The following TBC1D2B variants were observed in gnomAD, a reference collection of about 807,000 sequenced individuals.
TBC1D2B encodes TBC1 domain family member 2B, also known as TBC1 domain family, member 2B.
Under a neutral mutation model 100.8 loss-of-function variants are expected in TBC1D2B, and 64 were observed. The ratio of observed to expected loss-of-function variants is 0.64; its 90% CI spans 0.52 to 0.78. The LOEUF (loss-of-function observed/expected upper bound fraction) is 0.78, where lower values mean the gene tolerates loss of function less well. Among genes scored for constraint, TBC1D2B ranks in the 30% least tolerant of loss-of-function variants. The pLI is 0.00. For synonymous variants in TBC1D2B, 480 were observed against 479.7 expected, an observed-to-expected ratio of 1.00 and a Z score of -0.01; for missense variants, 1,052 against 1,218.4, an observed-to-expected ratio of 0.86 and a Z score of 2.03.
At chr15:78,045,159 A>G (rs2073170847) in intron 2 of TBC1D2B, 91 bp from the exon 3 acceptor site, 4 of 1,161,090 alleles carry the variant, frequency 3.4e-6, no homozygotes, top group Non-Finnish European at 4.8e-6. Context: ...CATACTATAT[A>G]AAAATCTAAA....
At chr15:78,045,185 T>G in intron 2 of TBC1D2B, 117 bp from the exon 3 acceptor site, 1 of 885,812 alleles carries the variant, frequency 1.1e-6, no homozygotes, top group Non-Finnish European at 1.6e-6. Context: ...TAATAGTATA[T>G]TTTTAATGTA....
intron 3 of TBC1D2B, among the ~76,000 whole-genome samples, chr15:78,036,925 T>C (rs1283379471): frequency 6.6e-6 from 1 of 152,148 alleles, no homozygotes; most frequent in Non-Finnish European, 1.5e-5. Context: ...TGATATGATG[T>C]CTTTTGGTCT....
At chr15:78,074,291 G>A (rs1206627999) in intron 1 of TBC1D2B, among the ~76,000 whole-genome samples, 1 of 151,990 alleles carries the variant, frequency 6.6e-6, no homozygotes, top group Non-Finnish European at 1.5e-5. Context: ...CCAAAGTGCT[G>A]GGATTACAGG....
intron 1 of TBC1D2B, among the ~76,000 whole-genome samples, chr15:78,058,040 G>T (rs1013576915): frequency 6.6e-6 from 1 of 152,188 alleles, no homozygotes; most frequent in Non-Finnish European, 1.5e-5. Context: ...CTAGCCAGAC[G>T]TGACTACTGA....
chr15:78,031,633 CAA>C (rs780672137), intron 3 of TBC1D2B, among the ~76,000 whole-genome samples: 1 of 134,102 alleles, frequency 7.5e-6, no homozygotes, highest in Non-Finnish European at 1.6e-5. Flanking sequence ...GGAAATATGA[CAA>C]AACTATAAAA....
rs753797879 is a variant in TBC1D2B, at chr15:78,024,302, T to C, written c.1324A>G (p.Met442Val). 1 of 1,614,062 alleles carries C rather than the reference T, an allele frequency of 6.2e-7. No homozygotes were observed. The highest frequency in any genetic ancestry group is 1.1e-5 in the South Asian group (1 of 91,088). The change falls in exon 6 of 13, where the codon ATG becomes GTG. Residue 442 changes from methionine (M) to valine (V), a missense_variant. Physicochemically the swap from Met to Val is conservative, Grantham distance 21. Coordinates refer to ENST00000300584, the MANE Select transcript of TBC1D2B (RefSeq NM_144572.2). ...TTGGCTTGGATGGTCTCCATGAGCA[T>C]TCCCAGCTGCTCGTTGAGCTCGCCC... ...KVGELNEQLG[M>V]LMETIQAKDE... is the part of the protein sequence containing the mutation.
At chr15:78,039,173 T>C (rs762907659) in intron 3 of TBC1D2B, among the ~76,000 whole-genome samples, 68 of 152,226 alleles carry the variant, frequency 4.5e-4, no homozygotes, top group Non-Finnish European at 2.8e-4. Flanking sequence ...CAGACATAGC[T>C]GTGCCTTCCA....
chr15:78,068,468 C>T (rs1054689638), intron 1 of TBC1D2B, among the ~76,000 whole-genome samples: 1 of 151,566 alleles, frequency 6.6e-6, no homozygotes, highest in African/African-American at 2.4e-5. Flanking sequence ...AAGCATCTAA[C>T]AGGTGCTGGG....
chr15:78,017,741 T>A (rs1242387890), intron 7 of TBC1D2B, 106 bp downstream of exon 7: 3 of 637,412 alleles, frequency 4.7e-6, no homozygotes, highest in Non-Finnish European at 8.1e-6. Context: ...AGTAACCACA[T>A]CTCTCCAAGC....
intron 3 of TBC1D2B, among the ~76,000 whole-genome samples, chr15:78,033,882 A>T (rs1380229128): frequency 6.6e-6 from 1 of 152,234 alleles, no homozygotes; most frequent in African/African-American, 2.4e-5. Context: ...AAACATTCAG[A>T]AGAATACAGA....
chr15:78,024,104 T>C, intron 6 of TBC1D2B, 52 bp downstream of exon 6: 2 of 1,546,030 alleles, frequency 1.3e-6, no homozygotes, highest in East Asian at 2.3e-5. Context: ...GCCTCTGGGG[T>C]GACATCGGTG....
At position 78,003,198 on chromosome 15, in the gene TBC1D2B, T is replaced by C. The variant is rs1028124086; in HGVS notation, c.2574+107A>G. 9 of 980,692 alleles carry C rather than the reference T, an allele frequency of 9.2e-6. No individual in the cohort carries two copies. The African/African-American group carries it at 1.3e-4, about 14-fold the overall frequency. The allele number at this position is 980,692 out of a possible 1,614,324, so 60.7% of individuals were successfully genotyped here. A position where few individuals can be genotyped will look rare whatever the true frequency, so the allele number is the denominator to read the frequency against. ...CCGTGCTGAGATCCCTTGGGCACCATGGTAACCCTCATAAGTTCCAGGTGA... is the reference window on the plus strand; with the variant it reads ...CCGTGCTGAGATCCCTTGGGCACCACGGTAACCCTCATAAGTTCCAGGTGA... On this transcript the variant is annotated intron_variant, in intron 11 of 12. Coordinates refer to ENST00000300584, the MANE Select transcript of TBC1D2B (RefSeq NM_144572.2).
At chr15:78,029,342 GCCA>G (rs895624120) in intron 4 of TBC1D2B, among the ~76,000 whole-genome samples, 2 of 152,164 alleles carry the variant, frequency 1.3e-5, no homozygotes, top group African/African-American at 4.8e-5. Context: ...ACAGGCGTAA[GCCA>G]CCACGCCTGG....
intron 2 of TBC1D2B, among the ~76,000 whole-genome samples, chr15:78,051,644 C>T (rs1346510766): frequency 1.3e-5 from 2 of 152,168 alleles, no homozygotes; most frequent in South Asian, 2.1e-4. Context: ...TGGGTGACTA[C>T]GAGACAATAC....
chr15:78,073,775 G>C (rs965900952), intron 1 of TBC1D2B, among the ~76,000 whole-genome samples: 1 of 152,028 alleles, frequency 6.6e-6, no homozygotes, highest in Non-Finnish European at 1.5e-5. Flanking sequence ...TTCGAGACCA[G>C]CCTGGCCAAT....
intron 1 of TBC1D2B, among the ~76,000 whole-genome samples, chr15:78,057,565 G>A (rs1339552653): frequency 6.6e-6 from 1 of 152,096 alleles, no homozygotes; most frequent in Admixed American, 6.5e-5. Context: ...AGAACTGCTT[G>A]AACCCAGGAA....
At chr15:78,023,154 G>A (rs1227727295) in intron 6 of TBC1D2B, among the ~76,000 whole-genome samples, 2 of 152,204 alleles carry the variant, frequency 1.3e-5, no homozygotes, top group African/African-American at 2.4e-5. Flanking sequence ...AACCTGGACA[G>A]CAGCAAACCT....
chr15:78,011,487 T>C (rs1273275664), intron 9 of TBC1D2B, among the ~76,000 whole-genome samples: 1 of 147,950 alleles, frequency 6.8e-6, no homozygotes, highest in East Asian at 1.9e-4. Context: ...TTTTTTTTTT[T>C]TGAGACAGGG....
At chr15:78,048,567 T>C (rs1022251439) in intron 2 of TBC1D2B, among the ~76,000 whole-genome samples, 1 of 152,224 alleles carries the variant, frequency 6.6e-6, no homozygotes, top group African/African-American at 2.4e-5. Context: ...TTTTTAAACA[T>C]TTTCAAATGC....
Sources: allele counts gnomAD v4.1 joint callset (sites outside exome capture counted in the v4.1 genomes callset), GRCh38; gene constraint gnomAD v4.1.1; transcripts MANE v1.5; gene names NCBI Gene and HGNC (gene_info 2026-07-23, HGNC 2026-07-21).